Variants in NXN observed in about 807,000 individuals in gnomAD.
The protein encoded by NXN is nucleoredoxin, also known as nucleoredoxin 1.
A neutral mutation model predicts 48.6 loss-of-function variants in NXN; 16 were observed. The observed-to-expected ratio is 0.33, with a 90% CI of 0.22 to 0.50. The LOEUF is 0.50. Among genes scored for constraint, NXN ranks in the 20% least tolerant of loss-of-function variants. NXN has a pLI of 0.98. For synonymous variants in NXN, 281 were observed against 269.6 expected, an observed-to-expected ratio of 1.04 and a Z score of -0.41; for missense variants, 492 against 605.5, an observed-to-expected ratio of 0.81 and a Z score of 1.97.
At chr17:894,076 T>C (rs2068453274) in intron 1 of NXN, among the ~76,000 whole-genome samples, 1 of 104,214 alleles carries the variant, frequency 9.6e-6, no homozygotes. Context: ...AGGAAGCATC[T>C]CAACTCCCTG....
intron 6 of NXN, among the ~76,000 whole-genome samples, chr17:804,702 C>T (rs1292014823): frequency 6.6e-6 from 1 of 152,208 alleles, no homozygotes; most frequent in Non-Finnish European, 1.5e-5. Context: ...ACAGAGGATC[C>T]GCAGAAGCAG....
intron 1 of NXN, among the ~76,000 whole-genome samples, chr17:852,377 G>A (rs1033305292): frequency 2.0e-5 from 3 of 152,228 alleles, no homozygotes; most frequent in Admixed American, 1.3e-4. Flanking sequence ...GGATCCCTGG[G>A]ACCCCCCGTG....
intron 1 of NXN, among the ~76,000 whole-genome samples, chr17:950,681 G>A (rs748907146): frequency 2.0e-5 from 3 of 151,970 alleles, no homozygotes; most frequent in Non-Finnish European, 4.4e-5. Flanking sequence ...CTTGAATTAC[G>A]GCTTCAAAAT....
intron 1 of NXN, among the ~76,000 whole-genome samples, chr17:934,130 C>G (rs1231821786): frequency 3.9e-5 from 6 of 151,920 alleles, no homozygotes; most frequent in Non-Finnish European, 7.4e-5. Context: ...GGCCAGGCGC[C>G]GTGGCTCACG....
chr17:865,714 T>G (rs571024345), intron 1 of NXN, among the ~76,000 whole-genome samples: 1 of 152,034 alleles, frequency 6.6e-6, no homozygotes, highest in South Asian at 2.1e-4. Context: ...CTGGGCGCAG[T>G]GGCTCACGCC....
chr17:840,431 C>T (rs990477399), intron 1 of NXN, among the ~76,000 whole-genome samples: 13 of 152,080 alleles, frequency 8.5e-5, no homozygotes, highest in African/African-American at 2.9e-4. Context: ...GCTCCACCTC[C>T]CGGGTTCACA....
intron 1 of NXN, among the ~76,000 whole-genome samples, chr17:928,760 C>T (rs1295664444): frequency 6.6e-6 from 1 of 152,026 alleles, no homozygotes; most frequent in East Asian, 1.9e-4. Flanking sequence ...CGCTTGAACC[C>T]GGGAGGCGGA....
intron 1 of NXN, among the ~76,000 whole-genome samples, chr17:833,093 G>A (rs751119274): frequency 6.6e-5 from 10 of 151,976 alleles, no homozygotes; most frequent in Non-Finnish European, 1.2e-4. Flanking sequence ...GGGTTTTACC[G>A]TGTCAGCCAG....
chr17:823,665 C>A lies in NXN; in HGVS notation c.579G>T (p.Gly193=). The part of the protein sequence containing the change: ...GQSLESSSLE[G]SHVGVYFSAH... Reference sequence around the variant, plus strand: ...CGGAGAAATAGACGCCCACGTGAGACCCCTCCAGGCTGCTGCTCTCCAGAG... The same window carrying A: ...CGGAGAAATAGACGCCCACGTGAGAACCCTCCAGGCTGCTGCTCTCCAGAG... Residue 193 remains glycine, a synonymous_variant, in exon 3 of 8, where the codon GGG becomes GGT. Transcript: ENST00000336868. 2 of 1,614,142 alleles carry A rather than the reference C, an allele frequency of 1.2e-6. No homozygotes were observed. Among genetic ancestry groups the A allele is most frequent in the Non-Finnish European group, 8.5e-7 (1 of 1,180,028 alleles).
intron 1 of NXN, among the ~76,000 whole-genome samples, chr17:959,652 G>A (rs1370643033): frequency 1.3e-5 from 2 of 151,168 alleles, no homozygotes; most frequent in Non-Finnish European, 2.9e-5. Flanking sequence ...AAATTAGTTA[G>A]GTGTGGTGGC....
intron 5 of NXN, among the ~76,000 whole-genome samples, chr17:818,303 T>C (rs908620960): frequency 3.9e-5 from 6 of 152,026 alleles, no homozygotes; most frequent in Non-Finnish European, 5.9e-5. Flanking sequence ...TGATTAGTAC[T>C]CTAAGTCCTA....
intron 1 of NXN, among the ~76,000 whole-genome samples, chr17:871,593 C>CG (rs1316780562): frequency 6.6e-6 from 1 of 151,514 alleles, no homozygotes; most frequent in African/African-American, 2.4e-5. Context: ...TTAGTAGAGA[C>CG]GGGGTTTCAC....
chr17:839,821 GCA>G (rs995511315), intron 1 of NXN, among the ~76,000 whole-genome samples: 4 of 85,100 alleles, frequency 4.7e-5, no homozygotes, highest in African/African-American at 2.3e-4. Context: ...AAAAGGCCAG[GCA>G]CGGTGGCTCA....
chr17:896,340 CAAAAA>C (rs34491878), intron 1 of NXN, among the ~76,000 whole-genome samples: 2 of 134,912 alleles, frequency 1.5e-5, no homozygotes, highest in Non-Finnish European at 3.2e-5. Context: ...AACTCCATCT[CAAAAA>C]AAAAAAAAAA....
chr17:863,233 C>T (rs539974228), intron 1 of NXN, among the ~76,000 whole-genome samples: 138 of 152,244 alleles, frequency 9.1e-4, no homozygotes, highest in Non-Finnish European at 1.6e-3. Flanking sequence ...TGCAGTGGCG[C>T]GATCTCAGCT....
intron 1 of NXN, among the ~76,000 whole-genome samples, chr17:839,785 G>A (rs1412728991): frequency 1.4e-5 from 1 of 72,862 alleles, no homozygotes; most frequent in Non-Finnish European, 2.5e-5. Context: ...CCTGGCGACA[G>A]AGAGACCTTG....
At chr17:945,891 G>A (rs1400881865) in intron 1 of NXN, among the ~76,000 whole-genome samples, 1 of 120,678 alleles carries the variant, frequency 8.3e-6, no homozygotes, top group East Asian at 3.8e-4. Context: ...TTAGGGTTAG[G>A]CCAGCAAACC....
chr17:932,928 G>A lies in NXN; in HGVS notation c.360+46391C>T, dbSNP rs1022352848. 4.1e-5 allele frequency among the ~76,000 whole-genome samples: 6 copies of A among 147,222 alleles called. No homozygotes were observed. The highest frequency in any genetic ancestry group is 7.6e-5 in the Non-Finnish European group (5 of 65,510). On this transcript the variant is annotated intron_variant, in intron 1 of 7. Transcript: ENST00000336868. This position sits in a 1 kb window ranked among gnomAD's most constrained non-coding sequence, Gnocchi z 4.1. ...CTCCCTCAGTACTGGGATTCCAGGC[G>A]TGAGCCACCGCGCCCAGCCCAGCCC...
rs148775157 is a variant in NXN at position 951,610 on chromosome 17, C to A, written c.360+27709G>T. Reference sequence around the variant, plus strand: ...GGAGGGTCTGTCAGCTGTGTGGAGACAAACCTCCTGATCCAGGCGCTCTCT... The same window carrying A: ...GGAGGGTCTGTCAGCTGTGTGGAGAAAAACCTCCTGATCCAGGCGCTCTCT... On this transcript the variant is annotated intron_variant, in intron 1 of 7. Transcript: ENST00000336868. Among the ~76,000 whole-genome samples the A allele has an allele frequency of 1.8e-3, 269 of 152,056 alleles. 7 individuals are homozygous for A. The East Asian group carries it at 0.048, about 27-fold the overall frequency.
Sources: allele counts gnomAD v4.1 joint callset (sites outside exome capture counted in the v4.1 genomes callset), GRCh38; gene constraint gnomAD v4.1.1; non-coding constraint Gnocchi (gnomAD v3.1); transcripts MANE v1.5; gene names NCBI Gene and HGNC (gene_info 2026-07-23, HGNC 2026-07-21).